Variants in MORC3 observed in about 807,000 individuals in gnomAD.
MORC3 encodes MORC family CW-type zinc finger 3.
In MORC3, 31 loss-of-function variants were observed where a neutral mutation model predicts 109.1. That is an observed-to-expected ratio of 0.28 (90% CI 0.21 to 0.38). The LOEUF (loss-of-function observed/expected upper bound fraction) is 0.38, where lower values mean the gene tolerates loss of function less well. MORC3 is among the 10% of genes least tolerant of loss of function. The pLI is 1.00. For missense variants in MORC3, 867 were observed against 1,135.8 expected (o/e 0.76, Z 3.40); for synonymous variants, 395 against 380.7 (o/e 1.04, Z -0.44).
intron 1 of MORC3, among the ~76,000 whole-genome samples, chr21:36,327,250 A>G (rs1191214084): frequency 1.5e-5 from 2 of 130,760 alleles, no homozygotes; most frequent in Non-Finnish European, 3.1e-5. Flanking sequence ...TCTTCCTCCC[A>G]TGTTCAAGCA....
chr21:36,330,933 A>G (rs1234934874), intron 1 of MORC3, among the ~76,000 whole-genome samples: 1 of 152,212 alleles, frequency 6.6e-6, no homozygotes, highest in Non-Finnish European at 1.5e-5. Context: ...TCACGGATGT[A>G]TGCTGTATTA....
intron 8 of MORC3, among the ~76,000 whole-genome samples, chr21:36,346,450 G>A (rs935990439): frequency 3.9e-5 from 6 of 152,228 alleles, no homozygotes; most frequent in Non-Finnish European, 8.8e-5. Context: ...CTAGTGCTTC[G>A]TGTGGCTGAG....
intron 6 of MORC3, among the ~76,000 whole-genome samples, chr21:36,342,974 G>T (rs975629040): frequency 1.3e-5 from 2 of 151,090 alleles, no homozygotes; most frequent in African/African-American, 4.9e-5. Flanking sequence ...AGCCAAGACC[G>T]CACCATTACA....
chr21:36,354,805 C>CT, intron 9 of MORC3, among the ~76,000 whole-genome samples: 1 of 152,332 alleles, frequency 6.6e-6, no homozygotes, highest in Middle Eastern at 3.4e-3. Context: ...TCCTCACTGT[C>CT]TAACACTGGT....
At chr21:36,368,735 G>C (rs1289009820) in intron 14 of MORC3, among the ~76,000 whole-genome samples, 1 of 152,156 alleles carries the variant, frequency 6.6e-6, no homozygotes, top group Non-Finnish European at 1.5e-5. Flanking sequence ...AAATTAGCTG[G>C]ACGTGGTGGC....
At chr21:36,327,212 T>C (rs1463717082) in intron 1 of MORC3, among the ~76,000 whole-genome samples, 1 of 134,720 alleles carries the variant, frequency 7.4e-6, no homozygotes, top group Non-Finnish European at 1.5e-5. Context: ...TGGAGTGTAG[T>C]GGTGAGATCT....
intron 1 of MORC3, among the ~76,000 whole-genome samples, chr21:36,324,706 ATTT>A (rs1215853489): frequency 2.4e-5 from 3 of 125,176 alleles, no homozygotes; most frequent in African/African-American, 2.9e-5. Context: ...CAGCCTTCTC[ATTT>A]TTTTTTTTTT....
At chr21:36,359,810 C>A in intron 10 of MORC3, 145 bp from the exon 11 acceptor site, 1 of 1,185,072 alleles carries the variant, frequency 8.4e-7, no homozygotes, top group Non-Finnish European at 1.2e-6. Flanking sequence ...CCGTCGCACC[C>A]AGCCTAATTT....
chr21:36,353,146 CAGG>C (rs2085594113), intron 9 of MORC3, among the ~76,000 whole-genome samples: 1 of 150,138 alleles, frequency 6.7e-6, no homozygotes, highest in South Asian at 2.1e-4. Context: ...ATCACGAGGT[CAGG>C]AGATCGAGAC....
chr21:36,360,829 T>C (rs2085705064), intron 12 of MORC3: 1 of 152,670 alleles, frequency 6.6e-6, no homozygotes, highest in African/African-American at 2.4e-5. Flanking sequence ...TGTGGCACTT[T>C]GGGAGGTTGA....
At chr21:36,344,394 G>A (rs552028081) in intron 6 of MORC3, among the ~76,000 whole-genome samples, 185 bp from the exon 7 acceptor site, 3 of 151,836 alleles carry the variant, frequency 2.0e-5, no homozygotes, top group African/African-American at 7.3e-5. Context: ...TACTGGCTGC[G>A]GTATATTGAG....
chr21:36,328,204 A>G (rs1482117521), intron 1 of MORC3, among the ~76,000 whole-genome samples: 3 of 151,914 alleles, frequency 2.0e-5, no homozygotes, highest in East Asian at 1.9e-4. Context: ...TCACATTTAC[A>G]TACATTTGAT....
In MORC3 at chr21:36,375,943, A is replaced by G. The variant is rs2085924995; in HGVS notation, c.*647A>G. On this transcript the variant is annotated 3_prime_UTR_variant, in exon 17 of 17. Transcript: ENST00000400485. The stretch of plus-strand genomic sequence containing the variant: ...AACACAAAGTGTTTTTATAGAATGA[A>G]GAAACAGTCTTTAACAGAAAAAAGG... 1 of 152,262 alleles carries G rather than the reference A, an allele frequency of 6.6e-6. No homozygotes were observed. Among genetic ancestry groups the G allele is most frequent in the Non-Finnish European group, 1.5e-5 (1 of 68,044 alleles). The allele number at this position is 152,262 out of a possible 1,614,324, so 9.4% of individuals were successfully genotyped here.
chr21:36,339,129 T>C (rs1288970991), intron 5 of MORC3: 1 of 485,980 alleles, frequency 2.1e-6, no homozygotes, highest in African/African-American at 2.0e-5. Context: ...TAAAAAAAAT[T>C]TTTTTTTGAG....
intron 15 of MORC3, among the ~76,000 whole-genome samples, chr21:36,371,960 G>A (rs2085874563): frequency 6.6e-6 from 1 of 151,948 alleles, no homozygotes; most frequent in South Asian, 2.1e-4. Context: ...ATTACAGGCG[G>A]CTGCCATCAC....
At chr21:36,336,550 C>T (rs1040312556) in intron 2 of MORC3, among the ~76,000 whole-genome samples, 1 of 152,154 alleles carries the variant, frequency 6.6e-6, no homozygotes, top group African/African-American at 2.4e-5. Flanking sequence ...AGACTTAGTC[C>T]ATCTTTTAAT....
chr21:36,320,273 G>A lies in MORC3; in HGVS notation c.9G>A (p.Ala3=). The A allele has an allele frequency of 6.3e-7, 1 of 1,579,524 alleles. No homozygotes were observed. Residue 3 remains alanine (A), a synonymous_variant, in exon 1 of 17, where the codon GCG becomes GCA. Coordinates refer to ENST00000400485, the MANE Select transcript of MORC3 (RefSeq NM_015358.3). The part of the protein sequence containing the change: MA[A]QPPRGIRLSA... ...TTTGTAGCTCGCTCAAGATGGCGGC[G>A]CAGCCACCCCGCGGGATACGCCTCA...
intron 10 of MORC3, among the ~76,000 whole-genome samples, chr21:36,359,461 TCTAA>T: frequency 6.6e-6 from 1 of 152,060 alleles, no homozygotes; most frequent in East Asian, 1.9e-4. Context: ...AAAATGTATT[TCTAA>T]AAAATACCTG....
chr21:36,372,872 CTT>C (rs753022949), intron 16 of MORC3, among the ~76,000 whole-genome samples: 1 of 152,170 alleles, frequency 6.6e-6, no homozygotes, highest in African/African-American at 2.4e-5. Flanking sequence ...AGACAGGAGA[CTT>C]TTACTGAAAC....
Sources: allele counts gnomAD v4.1 joint callset (sites outside exome capture counted in the v4.1 genomes callset), GRCh38; gene constraint gnomAD v4.1.1; transcripts MANE v1.5; gene names NCBI Gene and HGNC (gene_info 2026-07-23, HGNC 2026-07-21).